The following TMEM132D variants were observed in gnomAD, a reference collection of about 807,000 sequenced individuals.
TMEM132D encodes transmembrane protein 132D.
TMEM132D carries 21 observed loss-of-function variants against 62.3 expected under a neutral mutation model. That is an observed-to-expected ratio of 0.34 (90% CI 0.24 to 0.49). The LOEUF is 0.49. Ranked by LOEUF, TMEM132D falls within the 20% of genes least tolerant of loss-of-function variation. The pLI is 0.99. For missense variants in TMEM132D, 1,346 were observed against 1,402.8 expected (o/e 0.96, Z 0.65); for synonymous variants, 621 against 575.6 (o/e 1.08, Z -1.13).
intron 4 of TMEM132D, among the ~76,000 whole-genome samples, chr12:129,281,051 A>T (rs909287771): frequency 3.3e-5 from 5 of 152,104 alleles, no homozygotes; most frequent in African/African-American, 1.2e-4. Flanking sequence ...CCAGGAAATA[A>T]GGCCACTTTC....
rs550073643 is a variant in TMEM132D, at chr12:129,204,843, A to G, written c.1443+4677T>C. Among the ~76,000 whole-genome samples the G allele has an allele frequency of 2.6e-5, 4 of 152,344 alleles. No homozygotes were observed. In the South Asian group the frequency reaches 6.2e-4, roughly 24 times the overall value. On this transcript the variant is annotated intron_variant, in intron 5 of 8. Coordinates refer to ENST00000422113, the MANE Select transcript of TMEM132D (RefSeq NM_133448.3). Reference sequence around the variant, plus strand: ...CAGTGGACCTTTCAGCAGAAACCCTACATGCCAGAAGAGATTGAGGTCCTA... The same window carrying G: ...CAGTGGACCTTTCAGCAGAAACCCTGCATGCCAGAAGAGATTGAGGTCCTA...
At chr12:129,108,174 T>C (rs867547848) in intron 5 of TMEM132D, among the ~76,000 whole-genome samples, 3 of 152,188 alleles carry the variant, frequency 2.0e-5, no homozygotes, top group African/African-American at 7.2e-5. Context: ...CTGAGATCTG[T>C]GGCTCTAAAT....
chr12:129,714,814 G>A (rs971420431), intron 1 of TMEM132D, among the ~76,000 whole-genome samples: 9 of 152,142 alleles, frequency 5.9e-5, no homozygotes, highest in African/African-American at 2.2e-4. Context: ...TCTCACGGTC[G>A]GAAGCCCACA....
chr12:129,707,915 G>C (rs188956045), intron 1 of TMEM132D, among the ~76,000 whole-genome samples: 6 of 152,250 alleles, frequency 3.9e-5, no homozygotes, highest in Non-Finnish European at 2.9e-5. Flanking sequence ...TCATAAAACT[G>C]TAAGTATGAA....
chr12:129,408,803 A>G (rs1871875606), intron 3 of TMEM132D, among the ~76,000 whole-genome samples: 1 of 152,214 alleles, frequency 6.6e-6, no homozygotes. Flanking sequence ...ATATTTTGTC[A>G]GAGTTTCATG....
At chr12:129,570,700 T>C (rs1877487920) in intron 2 of TMEM132D, among the ~76,000 whole-genome samples, 1 of 152,250 alleles carries the variant, frequency 6.6e-6, no homozygotes, top group Non-Finnish European at 1.5e-5. Flanking sequence ...GAAGAGGTGG[T>C]TGATTCTGGT....
intron 1 of TMEM132D, among the ~76,000 whole-genome samples, chr12:129,841,004 G>C (rs1023817860): frequency 1.3e-5 from 2 of 152,128 alleles, no homozygotes; most frequent in African/African-American, 4.8e-5. Flanking sequence ...CAGAACTGGG[G>C]GAGTCTCTGG....
At chr12:129,413,805 T>G (rs1872037282) in intron 3 of TMEM132D, among the ~76,000 whole-genome samples, 1 of 152,228 alleles carries the variant, frequency 6.6e-6, no homozygotes, top group South Asian at 2.1e-4. Context: ...ATAATAGAGG[T>G]TTGCACAGTG....
chr12:129,691,726 C>T (rs1247405831), intron 2 of TMEM132D, among the ~76,000 whole-genome samples: 2 of 152,006 alleles, frequency 1.3e-5, no homozygotes, highest in African/African-American at 2.4e-5. Context: ...TTTACCCATA[C>T]ATACAACTAT....
chr12:129,428,150 G>A (rs906263769), intron 3 of TMEM132D, among the ~76,000 whole-genome samples: 2 of 152,174 alleles, frequency 1.3e-5, no homozygotes, highest in African/African-American at 4.8e-5. Flanking sequence ...CAGAGGTGAT[G>A]TCCTAGAAAA....
chr12:129,869,971 T>C (rs1593193371), intron 1 of TMEM132D, among the ~76,000 whole-genome samples: 1 of 152,258 alleles, frequency 6.6e-6, no homozygotes, highest in East Asian at 1.9e-4. Flanking sequence ...GATGTGTTCT[T>C]GGTATTCATG....
intron 5 of TMEM132D, among the ~76,000 whole-genome samples, chr12:129,106,422 T>A (rs1018229684): frequency 2.0e-5 from 3 of 150,160 alleles, no homozygotes; most frequent in Non-Finnish European, 3.0e-5. Flanking sequence ...ATAATAATAA[T>A]AAAATAAAAA....
Position 129,500,400 on chromosome 12 carries a change from C to G in TMEM132D, c.1115+30659G>C, listed in dbSNP as rs541223349. Among the ~76,000 whole-genome samples the G allele has an allele frequency of 3.9e-5, 6 of 152,276 alleles. 1 individual carries two copies. The South Asian group carries it at 1.2e-3, about 32-fold the overall frequency. On this transcript the variant is annotated intron_variant, in intron 3 of 8. Coordinates refer to ENST00000422113, the MANE Select transcript of TMEM132D (RefSeq NM_133448.3). ...CCTCATCTGTACCCCTTGTCTCCAG[C>G]TGGCTTGAGGCGCCTCTAGCCTGGA...
In TMEM132D at chr12:129,404,675, G is replaced by T. The variant is rs144406067; in HGVS notation, c.1116-66858C>A. 2.9e-3 allele frequency among the ~76,000 whole-genome samples: 447 copies of T among 152,238 alleles called. 8 individuals carry two copies. The highest frequency in any genetic ancestry group is 0.026 in the Admixed American group (403 of 15,286). On this transcript the variant is annotated intron_variant, in intron 3 of 8. Transcript: ENST00000422113. ...GGGAACAAGGGAGAGATGGCAGGGG[G>T]CAGGGGGGTGTAGGGGAGATGCCAT...
At chr12:129,559,116 G>A (rs548010127) in intron 2 of TMEM132D, among the ~76,000 whole-genome samples, 1 of 152,276 alleles carries the variant, frequency 6.6e-6, no homozygotes, top group South Asian at 2.1e-4. Context: ...ATCCCTAAAT[G>A]TCTTACAGGG....
chr12:129,265,568 G>T (rs1423856913), intron 4 of TMEM132D, among the ~76,000 whole-genome samples: 1 of 152,040 alleles, frequency 6.6e-6, no homozygotes, highest in Non-Finnish European at 1.5e-5. Context: ...TCATGGCTGC[G>T]CACGGAGGGT....
chr12:129,750,083 A>T (rs1047119207), intron 1 of TMEM132D, among the ~76,000 whole-genome samples: 1 of 151,664 alleles, frequency 6.6e-6, no homozygotes, highest in Non-Finnish European at 1.5e-5. Context: ...GATGCCCTTT[A>T]TTTTTTTATT....
Position 129,529,768 on chromosome 12 carries a change from C to T in TMEM132D, c.1115+1291G>A, listed in dbSNP as rs542544750. On this transcript the variant is annotated intron_variant, in intron 3 of 8. Coordinates refer to ENST00000422113, the MANE Select transcript of TMEM132D (RefSeq NM_133448.3). ...ATCTATCCATTCCTCCATCCGTCTA[C>T]CCATCCGTCCACCCCCGTGTCCATC... Among the ~76,000 whole-genome samples the T allele has an allele frequency of 4.6e-5, 7 of 152,314 alleles. No homozygotes were observed. The South Asian group carries it at 1.5e-3, about 32-fold the overall frequency.
chr12:129,899,304 CATGGATGGATGGATGGATGG>C, intron 1 of TMEM132D, among the ~76,000 whole-genome samples: 1 of 125,282 alleles, frequency 8.0e-6, no homozygotes, highest in Middle Eastern at 4.4e-3. Context: ...TGGATGCATG[CATGGATGGATGGATGGATGG>C]ATGGATGGAT....
Sources: gnomAD v4.1 joint callset for allele counts (sites outside exome capture counted in the v4.1 genomes callset) on GRCh38, gnomAD v4.1.1 for gene constraint, MANE v1.5 for transcripts, NCBI Gene and HGNC (gene_info 2026-07-23, HGNC 2026-07-21) for gene names.